SNX9: variants seen among roughly 807,000 people sequenced by gnomAD.
SNX9 encodes the protein sorting nexin-9.
A neutral mutation model predicts 89.4 loss-of-function variants in SNX9; 44 were observed. That is an observed-to-expected ratio of 0.49 (90% confidence interval 0.39 to 0.63). SNX9 has a LOEUF of 0.63. Among genes scored for constraint, SNX9 ranks in the 30% least tolerant of loss-of-function variants. The probability of loss-of-function intolerance (pLI) is 0.00; values close to 1 mark genes in which losing one functional copy is unlikely to be tolerated. For missense variants in SNX9, 578 were observed against 736.1 expected (o/e 0.79, Z 2.49); for synonymous variants, 236 against 247.8 (o/e 0.95, Z 0.45).
chr6:157,887,754 T>C (rs960748860), intron 4 of SNX9, among the ~76,000 whole-genome samples: 1 of 152,240 alleles, frequency 6.6e-6, no homozygotes, highest in Non-Finnish European at 1.5e-5. Context: ...TAACTGATTT[T>C]CAACTCCAAG....
chr6:157,897,367 A>AGGGT (rs1328067958), intron 5 of SNX9, among the ~76,000 whole-genome samples: 1 of 152,218 alleles, frequency 6.6e-6, no homozygotes, highest in African/African-American at 2.4e-5. Flanking sequence ...AGAGATGCAT[A>AGGGT]GGGCGAGGCA....
chr6:157,916,852 C>T (rs891269465), intron 9 of SNX9, among the ~76,000 whole-genome samples: 9 of 152,102 alleles, frequency 5.9e-5, no homozygotes, highest in South Asian at 2.1e-4. Context: ...ATTTGGTTCA[C>T]GATGGTTATT....
intron 1 of SNX9, among the ~76,000 whole-genome samples, chr6:157,862,244 A>G (rs183427312): frequency 1.3e-5 from 2 of 152,300 alleles, no homozygotes; most frequent in East Asian, 3.9e-4. Flanking sequence ...ACATATGTTA[A>G]TAGCATAATA....
chr6:157,914,221 T>G (rs1783410564), intron 9 of SNX9, among the ~76,000 whole-genome samples: 1 of 152,208 alleles, frequency 6.6e-6, no homozygotes, highest in South Asian at 2.1e-4. Context: ...AGCATGGTTT[T>G]GATTTGCATT....
rs143472781 is a variant in SNX9, at chr6:157,938,739, C to T, written c.1640C>T (p.Ala547Val). ...MVKRVSIMSY[A>V]LQAEMNHFHS... ...AAGAGAGTCAGCATCATGTCTTACG[C>T]GTTGCAAGGTAAGATGAAAGGGTCC... Residue 547 changes from alanine (A) to valine (V), a missense_variant, in exon 16 of 18, where the codon GCG (alanine) becomes GTG (valine). Coordinates refer to ENST00000392185, the MANE Select transcript of SNX9 (RefSeq NM_016224.5). 3.5e-4 allele frequency: 567 copies of T among 1,612,480 alleles called. 1 individual carries two copies. The Admixed American group carries it at 4.9e-3, about 14-fold the overall frequency.
At chr6:157,928,206 G>A (rs1207582161) in intron 11 of SNX9, among the ~76,000 whole-genome samples, 1 of 152,132 alleles carries the variant, frequency 6.6e-6, no homozygotes, top group East Asian at 1.9e-4. Context: ...TGTGTATCCA[G>A]GTTATTGTCT....
Position 157,864,328 on chromosome 6 carries a change from A to G in SNX9, c.13-3219A>G, listed in dbSNP as rs558304258. ...ACGCCCCCCATTTGCCGCACCTCCCAATACCACTGCCTTGGGGGTTCAGTT... is the reference window on the plus strand; with the variant it reads ...ACGCCCCCCATTTGCCGCACCTCCCGATACCACTGCCTTGGGGGTTCAGTT... On this transcript the variant is annotated intron_variant, in intron 1 of 17. Coordinates refer to ENST00000392185, the MANE Select transcript of SNX9 (RefSeq NM_016224.5). 2.6e-5 allele frequency among the ~76,000 whole-genome samples: 4 copies of G among 152,230 alleles called. No individual in the cohort carries two copies. In the South Asian group the frequency reaches 8.3e-4, roughly 32 times the overall value.
intron 4 of SNX9, among the ~76,000 whole-genome samples, chr6:157,889,964 A>AT (rs1782822870): frequency 1.3e-5 from 2 of 152,182 alleles, no homozygotes; most frequent in African/African-American, 4.8e-5. Context: ...TAGCCATTGT[A>AT]TAAGTGTGGG....
chr6:157,840,460 C>T (rs1781682716), intron 1 of SNX9, among the ~76,000 whole-genome samples: 2 of 150,606 alleles, frequency 1.3e-5, no homozygotes, highest in African/African-American at 2.5e-5. Context: ...TCCTTCCTTC[C>T]TTCCTTCTCC....
chr6:157,934,343 A>G (rs371194224), intron 13 of SNX9: 1 of 152,240 alleles, frequency 6.6e-6, no homozygotes, highest in South Asian at 2.1e-4. Flanking sequence ...TAAACTGATT[A>G]TATCTTGTTT....
At chr6:157,843,316 C>T (rs1417529656) in intron 1 of SNX9, among the ~76,000 whole-genome samples, 1 of 152,166 alleles carries the variant, frequency 6.6e-6, no homozygotes, top group African/African-American at 2.4e-5. Context: ...TTCGACTCCC[C>T]CAAAACTTAA....
intron 7 of SNX9, among the ~76,000 whole-genome samples, chr6:157,908,937 G>C (rs76365998): frequency 0.06 from 9,205 of 152,246 alleles, 301 homozygotes; most frequent in South Asian, 0.1. Flanking sequence ...CCTTGCCCAG[G>C]TGGACGTGAT....
Position 157,938,720 on chromosome 6 carries a change from G to C in SNX9, c.1621G>C (p.Val541Leu), listed in dbSNP as rs1783975560. The C allele has an allele frequency of 3.0e-5, 49 of 1,614,028 alleles. No individual in the cohort carries two copies. The highest frequency in any genetic ancestry group is 3.9e-5 in the Non-Finnish European group (46 of 1,179,922). The change falls in exon 16 of 18, where the codon GTC becomes CTC. Residue 541 changes from valine to leucine, a missense_variant. Val to Leu is a conservative substitution (Grantham distance 32). Coordinates refer to ENST00000392185, the MANE Select transcript of SNX9 (RefSeq NM_016224.5). ...LQDKQNMVKR[V>L]SIMSYALQAE... ...AGACAAACAGAACATGGTGAAGAGA[G>C]TCAGCATCATGTCTTACGCGTTGCA... is the stretch of plus-strand genomic sequence containing the variant.
intron 11 of SNX9, among the ~76,000 whole-genome samples, chr6:157,927,950 CACAT>C (rs1425211830): frequency 6.6e-6 from 1 of 151,838 alleles, no homozygotes; most frequent in African/African-American, 2.4e-5. Context: ...CACACACACA[CACAT>C]AACCCTTCAA....
chr6:157,839,013 C>T (rs1184717572), intron 1 of SNX9, among the ~76,000 whole-genome samples: 1 of 152,168 alleles, frequency 6.6e-6, no homozygotes, highest in Non-Finnish European at 1.5e-5. Flanking sequence ...ACCTGGTTTG[C>T]AATACCCAGA....
chr6:157,884,196 T>A (rs1049231532), intron 4 of SNX9, among the ~76,000 whole-genome samples: 1 of 152,240 alleles, frequency 6.6e-6, no homozygotes, highest in East Asian at 1.9e-4. Context: ...GTTATTTTTT[T>A]AAAACAGTTT....
At chr6:157,828,919 C>T (rs988444859) in intron 1 of SNX9, among the ~76,000 whole-genome samples, 3 of 152,156 alleles carry the variant, frequency 2.0e-5, no homozygotes, top group South Asian at 4.1e-4. Context: ...CCTTTGAATG[C>T]TGTCAGCCTC....
At chr6:157,867,502 C>G (rs990510890) in intron 1 of SNX9, 45 bp from the exon 2 acceptor site, 2 of 1,502,910 alleles carry the variant, frequency 1.3e-6, no homozygotes, top group Admixed American at 1.7e-5. Flanking sequence ...TTTTACTACT[C>G]TGTTTGTGTT....
chr6:157,859,361 T>C (rs1457208622), intron 1 of SNX9, among the ~76,000 whole-genome samples: 1 of 152,258 alleles, frequency 6.6e-6, no homozygotes, highest in East Asian at 1.9e-4. Flanking sequence ...CTATATGCCC[T>C]GTTCCATAAG....
Sources: gnomAD v4.1 joint callset for allele counts (sites outside exome capture counted in the v4.1 genomes callset) on GRCh38, gnomAD v4.1.1 for gene constraint, MANE v1.5 for transcripts, NCBI Gene and HGNC (gene_info 2026-07-23, HGNC 2026-07-21) for gene names.